ATXN2: variants seen among roughly 807,000 people sequenced by gnomAD.
The protein encoded by ATXN2 is ataxin 2.
A neutral mutation model predicts 138.6 loss-of-function variants in ATXN2; 37 were observed. The ratio of observed to expected loss-of-function variants is 0.27; its 90% CI spans 0.21 to 0.35. The LOEUF (loss-of-function observed/expected upper bound fraction) is 0.35, where lower values mean the gene tolerates loss of function less well. Among genes scored for constraint, ATXN2 ranks in the 10% least tolerant of loss-of-function variants. The probability of loss-of-function intolerance (pLI) is 1.00; values close to 1 mark genes in which losing one functional copy is unlikely to be tolerated. For synonymous variants in ATXN2, 549 were observed against 543.7 expected (o/e 1.01, Z -0.13); for missense variants, 1,216 against 1,480.3 (o/e 0.82, Z 2.93).
intron 1 of ATXN2, chr12:111,564,800 CAGTATTTA>C (rs1213975105): frequency 2.4e-4 from 36 of 152,260 alleles, no homozygotes; most frequent in African/African-American, 8.7e-4. Flanking sequence ...TTACATGAAT[CAGTATTTA>C]CTACTTCTGC....
At chr12:111,542,565 C>T (rs1459564319) in intron 5 of ATXN2, among the ~76,000 whole-genome samples, 1 of 152,186 alleles carries the variant, frequency 6.6e-6, no homozygotes, top group African/African-American at 2.4e-5. Context: ...TTACTGGCTG[C>T]AAGTGAACCT....
Position 111,485,246 on chromosome 12 carries a change from C to A in ATXN2, c.2524+19G>T. ...GCAGCATGCAAACTACAAGCAAACA[C>A]AGGCAGGATTATTCTCACCTTTACC... is the stretch of plus-strand genomic sequence containing the variant. On this transcript the variant is annotated intron_variant, in intron 18 of 24. Transcript: ENST00000673436. The A allele has an allele frequency of 6.3e-7, 1 of 1,599,350 alleles. No individual in the cohort carries two copies.
intron 18 of ATXN2, among the ~76,000 whole-genome samples, chr12:111,479,874 T>C (rs1592813146): frequency 6.9e-6 from 1 of 145,664 alleles, no homozygotes; most frequent in Non-Finnish European, 1.5e-5. Context: ...AAAAAAAATC[T>C]AGGGGCTGGC....
Position 111,470,218 on chromosome 12 carries a change from A to T in ATXN2, c.2732T>A (p.Val911Glu). 1 of 1,614,076 alleles carries T rather than the reference A, an allele frequency of 6.2e-7. No individual in the cohort carries two copies. Among genetic ancestry groups the T allele is most frequent in the Non-Finnish European group, 8.5e-7 (1 of 1,179,962 alleles). The change falls in exon 20 of 25, where the codon GTA becomes GAA. Residue 911 changes from valine (V) to glutamate (E), a missense_variant. This residue lies in a region of ATXN2 where 490 missense variants were observed against 653.5 expected (regional missense o/e 0.75). Coordinates refer to ENST00000673436, the MANE Select transcript of ATXN2 (RefSeq NM_001372574.1). ...QSQHPHVYSP[V>E]IQGNARMMAP... is the part of the protein sequence containing the mutation. The stretch of plus-strand genomic sequence containing the variant: ...CATCATTCTAGCATTACCCTGTATT[A>T]CAGGACTATAGACATGAGGATGCTG...
chr12:111,494,079 G>A (rs1054836589), intron 14 of ATXN2, among the ~76,000 whole-genome samples: 2 of 151,810 alleles, frequency 1.3e-5, no homozygotes, highest in South Asian at 4.2e-4. Context: ...ACAGGCACCC[G>A]CCACCATGTC....
rs1487686372 is a variant in ATXN2, at chr12:111,552,776, A to AGTATTT, written c.420+129_420+130insAAATAC. 7.8e-6 allele frequency: 5 copies of AGTATTT among 637,900 alleles called. No homozygotes were observed. The highest frequency in any genetic ancestry group is 1.3e-5 in the Non-Finnish European group (5 of 385,932). 39.5% of individuals were successfully genotyped at this position (637,900 alleles called of 1,614,324 possible). A position where few individuals can be genotyped will look rare whatever the true frequency, so the allele number is the denominator to read the frequency against. On this transcript the variant is annotated intron_variant, in intron 4 of 24. Transcript: ENST00000673436. This position sits in a 1 kb window ranked among gnomAD's most constrained non-coding sequence, Gnocchi z 4.1. ...AGAAGCCTCTCTGATTACACAAACC[A>AGTATTT]GTCTATAAAATAATCAGTATTTGAA...
rs556389498 is a variant in ATXN2, at chr12:111,490,513, C to A, written c.1936-1733G>T. 1.2e-4 allele frequency among the ~76,000 whole-genome samples: 18 copies of A among 152,092 alleles called. No homozygotes were observed. The South Asian group carries it at 3.1e-3, about 26-fold the overall frequency. On this transcript the variant is annotated intron_variant, in intron 14 of 24. Coordinates refer to ENST00000673436, the MANE Select transcript of ATXN2 (RefSeq NM_001372574.1). ...ATATTGGTCAGTTAGACATTCTAAA[C>A]CCCTAAGTAAAAAAAGGAGATGGCA...
intron 20 of ATXN2, among the ~76,000 whole-genome samples, chr12:111,467,307 C>CCT (rs1876096634): frequency 2.9e-5 from 1 of 34,846 alleles, no homozygotes; most frequent in African/African-American, 1.5e-4. Flanking sequence ...CATGACTGGG[C>CCT]TTTTTTTTTT....
intron 14 of ATXN2, among the ~76,000 whole-genome samples, chr12:111,490,716 G>A (rs1265169848): frequency 6.6e-6 from 1 of 152,150 alleles, no homozygotes; most frequent in Non-Finnish European, 1.5e-5. Flanking sequence ...CACCAAAAAA[G>A]ATAAGGAAGA....
intron 1 of ATXN2, among the ~76,000 whole-genome samples, chr12:111,576,426 C>G (rs1883652371): frequency 6.6e-6 from 1 of 152,098 alleles, no homozygotes; most frequent in African/African-American, 2.4e-5. Context: ...ACCTGGGCAA[C>G]AGAGTGAGAC....
chr12:111,541,669 G>C (rs1592881128), intron 5 of ATXN2, among the ~76,000 whole-genome samples: 1 of 149,148 alleles, frequency 6.7e-6, no homozygotes, highest in Admixed American at 6.7e-5. Context: ...ATTTTGTAGG[G>C]CAAGTCCTCC....
chr12:111,467,206 C>T (rs1328702174), intron 20 of ATXN2, among the ~76,000 whole-genome samples: 2 of 150,236 alleles, frequency 1.3e-5, no homozygotes, highest in African/African-American at 4.9e-5. Context: ...ACAGTGGTGC[C>T]ATGATAGCTC....
chr12:111,598,433 T>A lies in ATXN2; in HGVS notation c.251+351A>T. 1 of 985,466 alleles carries A rather than the reference T, an allele frequency of 1.0e-6. No homozygotes were observed. 61.0% of individuals were successfully genotyped at this position (985,466 alleles called of 1,614,324 possible). ...AGGAGCTGCCCGAGCATCCCCACGC[T>A]GCGGGCGGAGGATCGTGCGGAAGGG... On this transcript the variant is annotated intron_variant, in intron 1 of 24. Transcript: ENST00000673436. The surrounding 1 kb of genome is among the most constrained non-coding windows in gnomAD (Gnocchi z 4.5).
intron 10 of ATXN2, 97 bp from the exon 11 acceptor site, chr12:111,513,636 C>A: frequency 1.0e-6 from 1 of 989,362 alleles, no homozygotes; most frequent in South Asian, 2.5e-5. Context: ...TGCACACACA[C>A]TCACTCACTC....
intron 14 of ATXN2, among the ~76,000 whole-genome samples, chr12:111,503,486 G>A (rs950442929): frequency 4.0e-5 from 6 of 151,816 alleles, no homozygotes; most frequent in Non-Finnish European, 5.9e-5. Context: ...CAGGAAATAC[G>A]CAATAAAACA....
Position 111,457,367 on chromosome 12 carries a change from G to A in ATXN2, c.2897-8C>T. The A allele has an allele frequency of 6.2e-7, 1 of 1,600,400 alleles. No individual in the cohort carries two copies. Among genetic ancestry groups the A allele is most frequent in the Admixed American group, 1.8e-5 (1 of 56,808 alleles). On this transcript the variant is annotated splice_polypyrimidine_tract_variant and splice_region_variant and intron_variant, in intron 21 of 24. Coordinates refer to ENST00000673436, the MANE Select transcript of ATXN2 (RefSeq NM_001372574.1). Reference sequence around the variant, plus strand: ...CAAGGGAGCCCGTGGAAACTAAAGTGAAAGAAAAAGGAGCATGTACACAAC... The same window carrying A: ...CAAGGGAGCCCGTGGAAACTAAAGTAAAAGAAAAAGGAGCATGTACACAAC...
chr12:111,596,526 G>C (rs1253132083), intron 1 of ATXN2, among the ~76,000 whole-genome samples: 1 of 152,006 alleles, frequency 6.6e-6, no homozygotes, highest in African/African-American at 2.4e-5. Flanking sequence ...TTTCACTGTT[G>C]ATACGCACAA....
At chr12:111,538,904 T>A (rs1320378976) in intron 5 of ATXN2, among the ~76,000 whole-genome samples, 1 of 150,004 alleles carries the variant, frequency 6.7e-6, no homozygotes, top group African/African-American at 2.4e-5. Context: ...GGTGCAAAAC[T>A]AACAAGAACA....
chr12:111,571,767 C>T (rs1209934599), intron 1 of ATXN2, among the ~76,000 whole-genome samples: 1 of 152,090 alleles, frequency 6.6e-6, no homozygotes, highest in Non-Finnish European at 1.5e-5. Context: ...CCTGTAATCC[C>T]AGCACTTTGG....
Sources: allele counts gnomAD v4.1 joint callset (sites outside exome capture counted in the v4.1 genomes callset), GRCh38; gene constraint gnomAD v4.1.1; regional missense constraint gnomAD v4.1.1; non-coding constraint Gnocchi (gnomAD v3.1); transcripts MANE v1.5; gene names NCBI Gene and HGNC (gene_info 2026-07-23, HGNC 2026-07-21).